KAZN: variants seen among roughly 807,000 people sequenced by gnomAD.
The protein encoded by KAZN is kazrin, periplakin interacting protein, also known as kazrin.
A neutral mutation model predicts 87.4 loss-of-function variants in KAZN; 40 were observed. That is an observed-to-expected ratio of 0.46 (90% CI 0.36 to 0.60). The LOEUF (loss-of-function observed/expected upper bound fraction) is 0.60, where lower values mean the gene tolerates loss of function less well. KAZN is among the 20% of genes least tolerant of loss of function. The probability of loss-of-function intolerance (pLI) is 0.00; values close to 1 mark genes in which losing one functional copy is unlikely to be tolerated. For synonymous variants in KAZN, 466 were observed against 458.3 expected (o/e 1.02, Z -0.22); for missense variants, 898 against 1,073.9 (o/e 0.84, Z 2.29).
At chr1:14,364,019 C>CT in intron 2 of KAZN, among the ~76,000 whole-genome samples, 1 of 144,362 alleles carries the variant, frequency 6.9e-6, no homozygotes, top group Non-Finnish European at 1.5e-5. Flanking sequence ...GGTAATGTTT[C>CT]TTACAATGTT....
intron 1 of KAZN, among the ~76,000 whole-genome samples, chr1:13,946,307 G>A (rs1323354862): frequency 2.0e-5 from 3 of 152,154 alleles, no homozygotes; most frequent in South Asian, 4.1e-4. Context: ...AGAATGCATA[G>A]AGGCGAAGAG....
intron 2 of KAZN, among the ~76,000 whole-genome samples, chr1:14,556,061 G>A (rs143345156): frequency 2.2e-4 from 33 of 151,980 alleles, no homozygotes; most frequent in African/African-American, 7.7e-4. Context: ...ATGGAAACTG[G>A]CAAATCCTAC....
At chr1:14,321,548 T>C (rs148867881) in intron 2 of KAZN, among the ~76,000 whole-genome samples, 266 of 152,296 alleles carry the variant, frequency 1.7e-3, no homozygotes, top group Non-Finnish European at 3.0e-3. Flanking sequence ...GAATTTGCTG[T>C]TTATAATTTT....
intron 1 of KAZN, among the ~76,000 whole-genome samples, chr1:14,922,220 C>T (rs1658600830): frequency 6.6e-6 from 1 of 152,224 alleles, no homozygotes; most frequent in Non-Finnish European, 1.5e-5. Flanking sequence ...AGCCCCTGCT[C>T]AACCCAGCTC....
At chr1:14,386,118 A>C (rs1489395007) in intron 2 of KAZN, among the ~76,000 whole-genome samples, 112 of 147,662 alleles carry the variant, frequency 7.6e-4, no homozygotes, top group South Asian at 4.4e-4. Context: ...CTGTTTTATC[A>C]GAGACTAGGA....
chr1:14,362,954 G>A (rs979675797), intron 2 of KAZN, among the ~76,000 whole-genome samples: 2 of 152,160 alleles, frequency 1.3e-5, no homozygotes, highest in African/African-American at 2.4e-5. Context: ...CCAATGGCAT[G>A]ATGGCAAAGG....
At chr1:14,892,147 C>A (rs1654786448) in intron 1 of KAZN, among the ~76,000 whole-genome samples, 1 of 152,150 alleles carries the variant, frequency 6.6e-6, no homozygotes, top group South Asian at 2.1e-4. Flanking sequence ...TCTGTGCTCC[C>A]ATTCCTGGCC....
At chr1:13,953,968 C>T (rs1641446398) in intron 1 of KAZN, among the ~76,000 whole-genome samples, 1 of 152,186 alleles carries the variant, frequency 6.6e-6, no homozygotes, top group Non-Finnish European at 1.5e-5. Flanking sequence ...GGCAGGTTTG[C>T]CATTAGGTGT....
chr1:14,702,473 A>G (rs566041936), intron 1 of KAZN, among the ~76,000 whole-genome samples: 113 of 152,118 alleles, frequency 7.4e-4, no homozygotes, highest in Middle Eastern at 3.4e-3. Context: ...GATCCCCTCC[A>G]CCACCAAACA....
intron 2 of KAZN, among the ~76,000 whole-genome samples, chr1:14,511,543 G>A (rs1670907991): frequency 6.6e-6 from 1 of 152,166 alleles, no homozygotes; most frequent in African/African-American, 2.4e-5. Flanking sequence ...TTTCACAAAA[G>A]CAGAAGAAAT....
intron 2 of KAZN, among the ~76,000 whole-genome samples, chr1:14,401,071 C>G (rs1473428170): frequency 6.6e-6 from 1 of 152,058 alleles, no homozygotes; most frequent in Non-Finnish European, 1.5e-5. Context: ...TCTGAGGCTG[C>G]CAGGGAGAGA....
chr1:14,066,099 G>C (rs1389033878), intron 1 of KAZN, among the ~76,000 whole-genome samples: 1 of 152,134 alleles, frequency 6.6e-6, no homozygotes, highest in Non-Finnish European at 1.5e-5. Flanking sequence ...CCATTCTTGA[G>C]TTACTTCACT....
chr1:13,965,001 C>T (rs188161163), intron 1 of KAZN, among the ~76,000 whole-genome samples: 56 of 152,112 alleles, frequency 3.7e-4, no homozygotes, highest in African/African-American at 1.3e-3. Flanking sequence ...AGAGCAAAGG[C>T]CCTGGGGCAG....
At chr1:13,997,041 A>G (rs567220690) in intron 1 of KAZN, among the ~76,000 whole-genome samples, 1 of 152,154 alleles carries the variant, frequency 6.6e-6, no homozygotes, top group African/African-American at 2.4e-5. Context: ...TCCTCAAGTA[A>G]TATCTCTGGG....
At chr1:15,064,540 G>T (rs1172992422) in intron 7 of KAZN, among the ~76,000 whole-genome samples, 1 of 152,204 alleles carries the variant, frequency 6.6e-6, no homozygotes, top group Non-Finnish European at 1.5e-5. Context: ...GGAGGGCAGG[G>T]TAGACCTTAC....
At chr1:14,601,901 C>G (rs2148601471) in intron 1 of KAZN, among the ~76,000 whole-genome samples, 1 of 152,340 alleles carries the variant, frequency 6.6e-6, no homozygotes, top group South Asian at 2.1e-4. Context: ...TAAATGCATG[C>G]TAATGTAACT....
chr1:14,067,906 C>T (rs935602698), intron 1 of KAZN, among the ~76,000 whole-genome samples: 1 of 152,172 alleles, frequency 6.6e-6, no homozygotes, highest in Non-Finnish European at 1.5e-5. Flanking sequence ...TCACAGCCAA[C>T]CATCCCAGCA....
At chr1:14,275,444 CTGTGTGTGTGTGTGTGTGTG>C (rs60684981) in intron 2 of KAZN, among the ~76,000 whole-genome samples, 5 of 136,880 alleles carry the variant, frequency 3.7e-5, no homozygotes, top group East Asian at 2.2e-4. Flanking sequence ...GTGGTAAATA[CTGTGTGTGTGTGTGTGTGTG>C]TGTGTGTGTG....
At chr1:14,442,768 C>A (rs1156415701) in intron 2 of KAZN, among the ~76,000 whole-genome samples, 1 of 152,190 alleles carries the variant, frequency 6.6e-6, no homozygotes, top group East Asian at 1.9e-4. Context: ...GGCCTGATTT[C>A]ATAAGTGTCA....
Sources: gnomAD v4.1 joint callset for allele counts (sites outside exome capture counted in the v4.1 genomes callset) on GRCh38, gnomAD v4.1.1 for gene constraint, MANE v1.5 for transcripts, NCBI Gene and HGNC (gene_info 2026-07-23, HGNC 2026-07-21) for gene names.